PPP2R3A: variants seen among roughly 807,000 people sequenced by gnomAD.
PPP2R3A encodes serine/threonine-protein phosphatase 2A regulatory subunit B'' subunit alpha.
A neutral mutation model predicts 106.9 loss-of-function variants in PPP2R3A; 80 were observed. The ratio of observed to expected loss-of-function variants is 0.75; its 90% CI spans 0.62 to 0.90. The LOEUF (loss-of-function observed/expected upper bound fraction) is 0.90, where lower values mean the gene tolerates loss of function less well. Among genes scored for constraint, PPP2R3A ranks in the 40% least tolerant of loss-of-function variants. The pLI is 0.00. For synonymous variants in PPP2R3A, 483 were observed against 468.3 expected (o/e 1.03, Z -0.41); for missense variants, 1,386 against 1,350.4 (o/e 1.03, Z -0.41).
At chr3:135,979,596 A>G (rs1287982711) in intron 1 of PPP2R3A, among the ~76,000 whole-genome samples, 1 of 151,836 alleles carries the variant, frequency 6.6e-6, no homozygotes, top group Non-Finnish European at 1.5e-5. Context: ...TTAAAAGGCT[A>G]ACAAGTTTCC....
intron 10 of PPP2R3A, among the ~76,000 whole-genome samples, chr3:136,095,844 T>C (rs1456160117): frequency 6.6e-6 from 1 of 152,198 alleles, no homozygotes; most frequent in Non-Finnish European, 1.5e-5. Context: ...CAGAAAATAG[T>C]GTCCACCATT....
chr3:136,113,670 C>T (rs1937634864), intron 13 of PPP2R3A, among the ~76,000 whole-genome samples: 1 of 151,986 alleles, frequency 6.6e-6, no homozygotes. Context: ...TAGCACTTGC[C>T]TGTAATCTCA....
chr3:136,029,699 C>T (rs1934798150), intron 3 of PPP2R3A, among the ~76,000 whole-genome samples: 1 of 152,148 alleles, frequency 6.6e-6, no homozygotes, highest in Non-Finnish European at 1.5e-5. Context: ...ATTTACGTAA[C>T]AATTTGCTAC....
At chr3:136,054,738 C>A (rs1016867696) in intron 5 of PPP2R3A, among the ~76,000 whole-genome samples, 10 of 152,164 alleles carry the variant, frequency 6.6e-5, no homozygotes, top group Admixed American at 2.6e-4. Flanking sequence ...TATTTTCTAC[C>A]TTTGTAAAAC....
intron 3 of PPP2R3A, among the ~76,000 whole-genome samples, chr3:136,030,107 A>T (rs1438625312): frequency 6.6e-6 from 1 of 151,942 alleles, no homozygotes; most frequent in East Asian, 1.9e-4. Flanking sequence ...GGTCCTAGCT[A>T]CTCAGGAGGC....
At chr3:136,037,866 C>T (rs1935140126) in intron 3 of PPP2R3A, among the ~76,000 whole-genome samples, 1 of 152,040 alleles carries the variant, frequency 6.6e-6, no homozygotes, top group African/African-American at 2.4e-5. Context: ...ACTCGCCTCC[C>T]CCTCTAAAAA....
chr3:135,990,811 C>T (rs1240925641), intron 1 of PPP2R3A, among the ~76,000 whole-genome samples: 1 of 152,018 alleles, frequency 6.6e-6, no homozygotes, highest in Non-Finnish European at 1.5e-5. Context: ...CTTGTGTCCT[C>T]AAGTCTGCCC....
chr3:136,126,034 C>G (rs758780917), intron 13 of PPP2R3A, among the ~76,000 whole-genome samples: 3 of 152,114 alleles, frequency 2.0e-5, no homozygotes, highest in African/African-American at 7.2e-5. Flanking sequence ...CCAAGATGGC[C>G]GAATAGGAAC....
intron 1 of PPP2R3A, among the ~76,000 whole-genome samples, chr3:135,986,299 T>G (rs1442872236): frequency 6.6e-6 from 1 of 152,060 alleles, no homozygotes; most frequent in Non-Finnish European, 1.5e-5. Context: ...GGGTAGAGGC[T>G]TAGATTTCAT....
chr3:136,103,657 GA>G (rs1037241517), intron 12 of PPP2R3A, among the ~76,000 whole-genome samples: 5 of 149,972 alleles, frequency 3.3e-5, no homozygotes, highest in Admixed American at 6.6e-5. Flanking sequence ...GAGTAGTTTT[GA>G]AAAAAAAATT....
chr3:136,056,699 A>G (rs1217545900), intron 5 of PPP2R3A, among the ~76,000 whole-genome samples: 1 of 152,140 alleles, frequency 6.6e-6, no homozygotes, highest in Admixed American at 6.6e-5. Flanking sequence ...TATGAACCCA[A>G]AAGCACAAAG....
chr3:135,975,629 ATGC>A (rs1242620032), intron 1 of PPP2R3A, among the ~76,000 whole-genome samples: 1 of 152,204 alleles, frequency 6.6e-6, no homozygotes, highest in African/African-American at 2.4e-5. Flanking sequence ...TTTTCCCCTG[ATGC>A]TGAACACTTG....
intron 3 of PPP2R3A, among the ~76,000 whole-genome samples, chr3:136,029,105 G>A (rs1934770079): frequency 1.3e-5 from 2 of 152,032 alleles, no homozygotes; most frequent in East Asian, 1.9e-4. Flanking sequence ...CGCCCACCTC[G>A]GCCTCCCAAA....
chr3:136,143,155 A>T (rs1322231196), intron 13 of PPP2R3A, among the ~76,000 whole-genome samples: 1 of 152,218 alleles, frequency 6.6e-6, no homozygotes, highest in African/African-American at 2.4e-5. Context: ...TCTATCAAGT[A>T]AGCTTTTTAA....
At position 136,002,234 on chromosome 3, in the gene PPP2R3A, T is replaced by C. The variant is rs1933655714; in HGVS notation, c.736T>C (p.Cys246Arg). 1.2e-6 allele frequency: 2 copies of C among 1,613,570 alleles called. No individual in the cohort carries two copies. Among genetic ancestry groups the C allele is most frequent in the Admixed American group, 3.3e-5 (2 of 59,938 alleles). The change falls in exon 2 of 14, where the codon TGC (cysteine) becomes CGC (arginine). Residue 246 changes from cysteine to arginine, a missense_variant. Physicochemically the swap from Cys to Arg is radical, Grantham distance 180 (BLOSUM62 -3). Coordinates refer to ENST00000264977, the MANE Select transcript of PPP2R3A (RefSeq NM_002718.5). The stretch of plus-strand genomic sequence containing the variant: ...GAAATGCTCCGAGGATTTAAAAAAA[T>C]GCACAGACATCATAAAACAATGCAT... ...LLKCSEDLKK[C>R]TDIIKQCIKK...
At chr3:136,099,793 C>G (rs1470936053) in intron 10 of PPP2R3A, among the ~76,000 whole-genome samples, 1 of 151,790 alleles carries the variant, frequency 6.6e-6, no homozygotes, top group Non-Finnish European at 1.5e-5. Flanking sequence ...TGTTGTATAT[C>G]TGTTTTGTAT....
At chr3:136,121,282 G>A (rs535563187) in intron 13 of PPP2R3A, among the ~76,000 whole-genome samples, 1 of 152,298 alleles carries the variant, frequency 6.6e-6, no homozygotes, top group Admixed American at 6.5e-5. Flanking sequence ...GTCCTTTGCA[G>A]CAACATGGAT....
At chr3:136,044,924 G>A (rs994745987) in intron 4 of PPP2R3A, among the ~76,000 whole-genome samples, 5 of 152,208 alleles carry the variant, frequency 3.3e-5, no homozygotes, top group African/African-American at 1.2e-4. Context: ...TGCTTGGAGA[G>A]CTGGCAGAGA....
chr3:135,996,389 CA>C (rs1327030079), intron 1 of PPP2R3A, among the ~76,000 whole-genome samples: 1 of 152,144 alleles, frequency 6.6e-6, no homozygotes, highest in African/African-American at 2.4e-5. Context: ...TTAAAGTTAG[CA>C]GAGGCACTTT....
Sources: allele counts gnomAD v4.1 joint callset (sites outside exome capture counted in the v4.1 genomes callset), GRCh38; gene constraint gnomAD v4.1.1; transcripts MANE v1.5; gene names NCBI Gene and HGNC (gene_info 2026-07-23, HGNC 2026-07-21).